Variants in ARHGEF3 observed in about 807,000 individuals in gnomAD.
ARHGEF3 encodes the protein Rho guanine nucleotide exchange factor 3, also known as 59.8 kDA protein.
Under a neutral mutation model 63.2 loss-of-function variants are expected in ARHGEF3, and 28 were observed. The observed-to-expected ratio is 0.44, with a 90% CI of 0.33 to 0.61. The LOEUF (loss-of-function observed/expected upper bound fraction) is 0.61, where lower values mean the gene tolerates loss of function less well. ARHGEF3 is among the 20% of genes least tolerant of loss of function. ARHGEF3 has a pLI of 0.03. For synonymous variants in ARHGEF3, 266 were observed against 254.2 expected (o/e 1.05, Z -0.44); for missense variants, 533 against 659.3 (o/e 0.81, Z 2.10).
intron 7 of ARHGEF3, among the ~76,000 whole-genome samples, chr3:56,744,376 C>T (rs934334252): frequency 9.1e-4 from 136 of 150,138 alleles, no homozygotes; most frequent in African/African-American, 3.1e-3. Flanking sequence ...TCCCAGATTA[C>T]CCAGCCCACA....
chr3:56,776,006 T>C (rs1302952287), intron 1 of ARHGEF3, among the ~76,000 whole-genome samples: 1 of 152,148 alleles, frequency 6.6e-6, no homozygotes, highest in African/African-American at 2.4e-5. Flanking sequence ...CTCTTTTTTA[T>C]GGTTAAAGCT....
At chr3:56,996,021 T>C (rs1036711841) in intron 2 of ARHGEF3, among the ~76,000 whole-genome samples, 2 of 152,150 alleles carry the variant, frequency 1.3e-5, no homozygotes, top group East Asian at 1.9e-4. Flanking sequence ...GAGCTTTCAA[T>C]TGAAAGAAGG....
intron 3 of ARHGEF3, among the ~76,000 whole-genome samples, chr3:56,887,416 C>T (rs2040960124): frequency 6.6e-6 from 1 of 152,142 alleles, no homozygotes; most frequent in Non-Finnish European, 1.5e-5. Flanking sequence ...GAGGCTGAGA[C>T]TCTGGGATGT....
At chr3:56,796,943 A>G (rs1437956957) in intron 1 of ARHGEF3, among the ~76,000 whole-genome samples, 4 of 152,208 alleles carry the variant, frequency 2.6e-5, no homozygotes, top group Non-Finnish European at 4.4e-5. Context: ...AACATTCAGG[A>G]AATTAGGCTG....
intron 3 of ARHGEF3, among the ~76,000 whole-genome samples, chr3:56,904,588 T>C (rs1456684654): frequency 6.6e-6 from 1 of 152,226 alleles, no homozygotes; most frequent in African/African-American, 2.4e-5. Flanking sequence ...AGTAACATTG[T>C]TCTCTGTTTT....
chr3:56,831,576 A>T (rs974675199), intron 4 of ARHGEF3, among the ~76,000 whole-genome samples: 5 of 152,154 alleles, frequency 3.3e-5, no homozygotes, highest in African/African-American at 1.2e-4. Flanking sequence ...TTACAATAAA[A>T]CCTTATTTAC....
chr3:56,967,459 T>A (rs1161614018), intron 2 of ARHGEF3, among the ~76,000 whole-genome samples: 3 of 60,430 alleles, frequency 5.0e-5, no homozygotes, highest in African/African-American at 2.1e-4. Flanking sequence ...TTATACATAT[T>A]ATATATTATA....
At chr3:57,002,455 C>A (rs1309984733) in intron 2 of ARHGEF3, among the ~76,000 whole-genome samples, 77 of 10,918 alleles carry the variant, frequency 7.1e-3, no homozygotes, top group Middle Eastern at 0.12. Context: ...AGGCACTGTT[C>A]TAAGCACTAT....
At chr3:56,947,001 C>T (rs1366648334) in intron 3 of ARHGEF3, among the ~76,000 whole-genome samples, 4 of 152,176 alleles carry the variant, frequency 2.6e-5, no homozygotes, top group Non-Finnish European at 5.9e-5. Context: ...GAATTTCCAA[C>T]CCAGAATTTC....
chr3:56,808,928 A>G (rs560421708), intron 4 of ARHGEF3, among the ~76,000 whole-genome samples: 1 of 152,368 alleles, frequency 6.6e-6, no homozygotes, highest in South Asian at 2.1e-4. Flanking sequence ...AAATGCCAAT[A>G]GTGCCACTAT....
At chr3:56,959,406 C>T (rs1700182957) in intron 2 of ARHGEF3, among the ~76,000 whole-genome samples, 1 of 152,180 alleles carries the variant, frequency 6.6e-6, no homozygotes, top group South Asian at 2.1e-4. Flanking sequence ...AACCTCTCAA[C>T]ATGAATCAAT....
chr3:56,891,341 CTTT>C (rs146940929), intron 3 of ARHGEF3, among the ~76,000 whole-genome samples: 2 of 140,534 alleles, frequency 1.4e-5, no homozygotes, highest in Non-Finnish European at 3.1e-5. Flanking sequence ...TAGTACACTG[CTTT>C]TTTTTTTTTT....
intron 3 of ARHGEF3, among the ~76,000 whole-genome samples, chr3:56,754,281 A>G (rs1007234263): frequency 6.6e-6 from 1 of 152,252 alleles, no homozygotes; most frequent in Non-Finnish European, 1.5e-5. Flanking sequence ...GGGAAGTCAA[A>G]CTGTCAGCAA....
At chr3:56,880,126 T>C (rs1500711) in intron 4 of ARHGEF3, among the ~76,000 whole-genome samples, 52,114 of 152,038 alleles carry the variant, frequency 0.34, 10,533 homozygotes, top group East Asian at 0.51. Context: ...TATGTGGCAA[T>C]AAATGGTGGA....
At chr3:56,934,506 G>C (rs1288787613) in intron 3 of ARHGEF3, among the ~76,000 whole-genome samples, 1 of 149,974 alleles carries the variant, frequency 6.7e-6, no homozygotes, top group Non-Finnish European at 1.5e-5. Context: ...TGCGGTGCTG[G>C]CGGGCCAGCT....
intron 4 of ARHGEF3, among the ~76,000 whole-genome samples, chr3:56,836,678 C>A (rs2039121792): frequency 6.6e-6 from 1 of 152,206 alleles, no homozygotes; most frequent in African/African-American, 2.4e-5. Flanking sequence ...GTAGTCCCAG[C>A]ACTTTGGGAG....
At chr3:56,787,020 G>C (rs2107900043) in intron 1 of ARHGEF3, among the ~76,000 whole-genome samples, 2 of 152,282 alleles carry the variant, frequency 1.3e-5, no homozygotes, top group South Asian at 2.1e-4. Context: ...ATTTATTCCT[G>C]AGGCAAAGGA....
rs2032814181 is a variant in ARHGEF3 at position 56,727,564 on chromosome 3, T to G, written c.*1706A>C. The G allele has an allele frequency of 6.5e-6, 1 of 152,682 alleles. No individual in the cohort carries two copies. The highest frequency in any genetic ancestry group is 1.5e-5 in the Non-Finnish European group (1 of 68,048). 9.5% of individuals were successfully genotyped at this position (152,682 alleles called of 1,614,324 possible). On this transcript the variant is annotated 3_prime_UTR_variant, in exon 10 of 10. Coordinates refer to ENST00000296315, the MANE Select transcript of ARHGEF3 (RefSeq NM_019555.3). ...CCTCTTTTCCCAACACACTGGCTGA[T>G]GGCTTCTAAAAGTGGCTGATGGCGC...
intron 4 of ARHGEF3, among the ~76,000 whole-genome samples, chr3:56,835,162 T>G (rs114717148): frequency 0.018 from 2,764 of 152,238 alleles, 63 homozygotes; most frequent in African/African-American, 0.056. Flanking sequence ...CATTAGGCTT[T>G]TTTTGTTTTG....
Sources: gnomAD v4.1 joint callset for allele counts (sites outside exome capture counted in the v4.1 genomes callset) on GRCh38, gnomAD v4.1.1 for gene constraint, MANE v1.5 for transcripts, NCBI Gene and HGNC (gene_info 2026-07-23, HGNC 2026-07-21) for gene names.